The following ESRRB variants were observed in gnomAD, a reference collection of about 807,000 sequenced individuals.
ESRRB encodes estrogen related receptor beta.
In ESRRB, 16 loss-of-function variants were observed where a neutral mutation model predicts 46.0. The ratio of observed to expected loss-of-function variants is 0.35; its 90% CI spans 0.24 to 0.53. The LOEUF (loss-of-function observed/expected upper bound fraction) is 0.53, where lower values mean the gene tolerates loss of function less well. Among genes scored for constraint, ESRRB ranks in the 20% least tolerant of loss-of-function variants. The pLI is 0.93. For missense variants in ESRRB, 488 were observed against 607.4 expected (o/e 0.80, Z 2.07); for synonymous variants, 246 against 259.6 (o/e 0.95, Z 0.50).
At position 76,317,053 on chromosome 14, in the gene ESRRB, C is replaced by T. The variant is rs2139722818; in HGVS notation, c.2+6137C>T. On this transcript the variant is annotated intron_variant, in intron 1 of 6. Coordinates refer to the ESRRB transcript ENST00000512784. ...CTTCTGAAGTTTTCCAAAGTGTCTG[C>T]TTCCATTAGCACAGACAAGGCTTTT... Among the ~76,000 whole-genome samples the T allele has an allele frequency of 3.9e-5, 6 of 152,286 alleles. No homozygotes were observed. In the South Asian group the frequency reaches 1.2e-3, roughly 32 times the overall value.
intron 1 of ESRRB, among the ~76,000 whole-genome samples, chr14:76,393,268 C>T (rs776931950): frequency 6.6e-6 from 1 of 152,128 alleles, no homozygotes; most frequent in African/African-American, 2.4e-5. Context: ...TCCCTAGAGA[C>T]CTATTGCCTG....
intron 3 of ESRRB, 41 bp from the exon 4 acceptor site, chr14:76,481,975 T>C (rs375133505): frequency 4.4e-6 from 7 of 1,583,456 alleles, no homozygotes; most frequent in Middle Eastern, 1.7e-4. Context: ...CCTGGTGATG[T>C]TGAACAACTG....
At position 76,494,306 on chromosome 14, in the gene ESRRB, A is replaced by AT. The variant is rs1164273892; in HGVS notation, c.1120+2590_1120+2591insT. Among the ~76,000 whole-genome samples, 7 of 95,556 alleles carry AT rather than the reference A, an allele frequency of 7.3e-5. No individual in the cohort carries two copies. In the East Asian group the frequency reaches 1.9e-3, roughly 27 times the overall value. The allele number at this position is 95,556 out of a possible 152,430, so 62.7% of individuals were successfully genotyped here. A position where few individuals can be genotyped will look rare whatever the true frequency, so the allele number is the denominator to read the frequency against. ...AGTATAGTTTTAGATTTACAGAATA[A>AT]CTTTTTTTTTTTTTTTTGAGACAGA... On this transcript the variant is annotated intron_variant, in intron 6 of 6. Transcript: ENST00000644823.
At chr14:76,366,308 A>G (rs1366261954) in intron 1 of ESRRB, among the ~76,000 whole-genome samples, 1 of 152,234 alleles carries the variant, frequency 6.6e-6, no homozygotes, top group African/African-American at 2.4e-5. Context: ...ATAAGGAGCG[A>G]CATATCCCTC....
chr14:76,448,174 C>T (rs567281014), intron 2 of ESRRB, among the ~76,000 whole-genome samples: 6 of 152,230 alleles, frequency 3.9e-5, no homozygotes, highest in African/African-American at 1.2e-4. Flanking sequence ...TCCAGGAAGG[C>T]TTCTCTGATT....
chr14:76,382,285 G>A (rs1595064795), intron 1 of ESRRB, among the ~76,000 whole-genome samples: 1 of 152,226 alleles, frequency 6.6e-6, no homozygotes, highest in African/African-American at 2.4e-5. Context: ...GTCTGGCTGT[G>A]ACCACATTCC....
At chr14:76,367,548 T>G (rs1595056108), upstream of ESRRB, among the ~76,000 whole-genome samples, 2 of 136,574 alleles carry the variant, frequency 1.5e-5, no homozygotes, top group African/African-American at 2.7e-5. Flanking sequence ...CAGGGGGCGA[T>G]CCTGTCTCAA....
rs1277579507 is a variant in ESRRB, at chr14:76,423,884, G to C, written c.51-15457G>C. Among the ~76,000 whole-genome samples, 4 of 152,092 alleles carry C rather than the reference G, an allele frequency of 2.6e-5. No homozygotes were observed. The East Asian group carries it at 7.7e-4, about 29-fold the overall frequency. On this transcript the variant is annotated intron_variant, in intron 1 of 6. Coordinates refer to ENST00000644823, the MANE Select transcript of ESRRB (RefSeq NM_001379180.1). ...GAGGCCAGTGTGGCTGGGATGGAGT[G>C]ACCTGGGGGGAGAGTGGGCAGGAGA...
At chr14:76,426,284 G>A (rs1026555074) in intron 1 of ESRRB, among the ~76,000 whole-genome samples, 1 of 152,176 alleles carries the variant, frequency 6.6e-6, no homozygotes, top group African/African-American at 2.4e-5. Context: ...GAGGGCAGGA[G>A]TCTGTGGGAG....
chr14:76,328,562 G>A (rs1360815009), intron 1 of ESRRB, among the ~76,000 whole-genome samples: 3 of 82,118 alleles, frequency 3.7e-5, no homozygotes, highest in African/African-American at 9.6e-5. Context: ...CACCTCCCAG[G>A]GCTCACACCC....
At position 76,354,238 on chromosome 14, in the gene ESRRB, C is replaced by A. The variant is rs1270568736; in HGVS notation, c.2+43322C>A. Among the ~76,000 whole-genome samples, 158 of 132,902 alleles carry A rather than the reference C, an allele frequency of 1.2e-3. 2 individuals are homozygous for A. Among genetic ancestry groups the A allele is most frequent in the African/African-American group, 4.1e-3 (141 of 34,438 alleles). The allele number at this position is 132,902 out of a possible 152,430, so 87.2% of individuals were successfully genotyped here. On this transcript the variant is annotated intron_variant, in intron 1 of 6. Transcript: ENST00000512784. ...GTCCTCTACCCGCCCCCCCCCCCAC[C>A]CACACTTCCACCCTCACCTCTCCAT... is the stretch of plus-strand genomic sequence containing the variant.
At chr14:76,483,569 T>G (rs1889890634) in intron 5 of ESRRB, among the ~76,000 whole-genome samples, 1 of 152,146 alleles carries the variant, frequency 6.6e-6, no homozygotes, top group African/African-American at 2.4e-5. Context: ...GGCGGGAGCT[T>G]TTTTATTTTT....
chr14:76,330,517 C>T (rs984534642), intron 1 of ESRRB, among the ~76,000 whole-genome samples: 4 of 152,314 alleles, frequency 2.6e-5, no homozygotes, highest in African/African-American at 9.6e-5. Flanking sequence ...TGGTTGCCCC[C>T]GCACTCTGTC....
chr14:76,373,970 A>G (rs1486898710), upstream of ESRRB, among the ~76,000 whole-genome samples: 1 of 152,024 alleles, frequency 6.6e-6, no homozygotes, highest in African/African-American at 2.4e-5. Flanking sequence ...CATGAAGAGG[A>G]CCTTATTTCT....
chr14:76,356,133 C>T (rs984400677), intron 1 of ESRRB, among the ~76,000 whole-genome samples: 3 of 152,156 alleles, frequency 2.0e-5, no homozygotes, highest in Non-Finnish European at 4.4e-5. Flanking sequence ...ACAAATGGAT[C>T]GGTGAATGAA....
intron 5 of ESRRB, among the ~76,000 whole-genome samples, chr14:76,490,506 G>C (rs1890181428): frequency 6.6e-6 from 1 of 152,162 alleles, no homozygotes; most frequent in Admixed American, 6.5e-5. Context: ...ACTCTCTGAA[G>C]TAGACCCTAC....
chr14:76,403,463 T>A (rs1886028069), intron 1 of ESRRB, among the ~76,000 whole-genome samples: 1 of 151,902 alleles, frequency 6.6e-6, no homozygotes, highest in Non-Finnish European at 1.5e-5. Flanking sequence ...AAAGGGAAAA[T>A]GAAGAGATGA....
At chr14:76,472,558 C>T (rs1052466380) in intron 3 of ESRRB, among the ~76,000 whole-genome samples, 8 of 152,172 alleles carry the variant, frequency 5.3e-5, no homozygotes, top group Non-Finnish European at 1.2e-4. Context: ...AGAGGCAGCC[C>T]AAATGAGCCA....
chr14:76,469,270 T>C (rs915571572), intron 3 of ESRRB, among the ~76,000 whole-genome samples: 2 of 152,138 alleles, frequency 1.3e-5, no homozygotes, highest in Non-Finnish European at 1.5e-5. Flanking sequence ...AGTTTTTGTA[T>C]TTTTAGTAGA....
Sources: allele counts gnomAD v4.1 joint callset (sites outside exome capture counted in the v4.1 genomes callset), GRCh38; gene constraint gnomAD v4.1.1; transcripts MANE v1.5; gene names NCBI Gene and HGNC (gene_info 2026-07-23, HGNC 2026-07-21).